INTS6: variants seen among roughly 807,000 people sequenced by gnomAD.
INTS6 encodes DEAD box protein.
A neutral mutation model predicts 104.9 loss-of-function variants in INTS6; 16 were observed. The ratio of observed to expected loss-of-function variants is 0.15; its 90% CI spans 0.10 to 0.23. INTS6 has a LOEUF of 0.23. Among genes scored for constraint, INTS6 ranks in the 10% least tolerant of loss-of-function variants. The pLI is 1.00. For synonymous variants in INTS6, 324 were observed against 358.7 expected, an observed-to-expected ratio of 0.90 and a Z score of 1.09; for missense variants, 584 against 1,062.8, an observed-to-expected ratio of 0.55 and a Z score of 6.26.
At chr13:51,356,088 C>G (rs531028707) in intron 3 of INTS6, among the ~76,000 whole-genome samples, 1 of 152,226 alleles carries the variant, frequency 6.6e-6, no homozygotes, top group South Asian at 2.1e-4. Flanking sequence ...ACCAGATTGA[C>G]AGTTACTTAT....
intron 6 of INTS6, among the ~76,000 whole-genome samples, chr13:51,388,630 T>C (rs1956187650): frequency 6.6e-6 from 1 of 152,164 alleles, no homozygotes; most frequent in African/African-American, 2.4e-5. Context: ...CAACCTCAGG[T>C]GATCCACCCA....
At chr13:51,411,055 T>TA (rs1214117283) in intron 4 of INTS6, among the ~76,000 whole-genome samples, 3 of 149,692 alleles carry the variant, frequency 2.0e-5, no homozygotes, top group Non-Finnish European at 3.0e-5. Context: ...CTACTAAAAA[T>TA]AAAAAAAATT....
intron 4 of INTS6, among the ~76,000 whole-genome samples, chr13:51,411,635 A>G (rs938986182): frequency 6.6e-6 from 1 of 152,192 alleles, no homozygotes; most frequent in Admixed American, 6.5e-5. Flanking sequence ...CTAAAACCAA[A>G]AAGAGATAAT....
At chr13:51,415,470 A>G (rs2138049095) in intron 4 of INTS6, among the ~76,000 whole-genome samples, 1 of 152,284 alleles carries the variant, frequency 6.6e-6, no homozygotes, top group South Asian at 2.1e-4. Context: ...GGTCTCTGCC[A>G]TGCTGTTCTC....
chr13:51,362,080 CTT>C lies in INTS6; in HGVS notation c.*3670_*3671del. 6.5e-7 allele frequency: 1 copy of C among 1,536,806 alleles called. No homozygotes were observed. The highest frequency in any genetic ancestry group is 2.4e-5 in the East Asian group (1 of 42,422). On this transcript the variant is annotated 3_prime_UTR_variant, in exon 18 of 18. Transcript: ENST00000311234. ...GACTATTTCGTAAGTACAAAGGAAA[CTT>C]ATCCTCCATGTTTTTTACCTTCTCA... is the stretch of plus-strand genomic sequence containing the variant.
intron 4 of INTS6, among the ~76,000 whole-genome samples, chr13:51,422,166 A>G (rs546460731): frequency 6.6e-6 from 1 of 152,288 alleles, no homozygotes; most frequent in African/African-American, 2.4e-5. Context: ...CACGAAAGGT[A>G]ATGATACTTT....
At chr13:51,357,882 T>C (rs530405260), downstream of INTS6, among the ~76,000 whole-genome samples, 12 of 152,222 alleles carry the variant, frequency 7.9e-5, no homozygotes, top group Admixed American at 7.2e-4. Context: ...TTCTTGGCTT[T>C]TATAAGTAGG....
At chr13:51,341,429 TCA>T in the INTS6 span, 5 of 1,273,570 alleles carry the variant, frequency 3.9e-6, no homozygotes, top group South Asian at 1.4e-5. Flanking sequence ...CTGCTCACAC[TCA>T]CACTCACTCT....
chr13:51,341,089 T>C, the INTS6 span: 2 of 1,613,416 alleles, frequency 1.2e-6, no homozygotes, highest in Admixed American at 1.7e-5. Context: ...CCTCCCAGCC[T>C]CCATGCCGCC....
chr13:51,353,109 T>C (rs1210227166), downstream of INTS6, among the ~76,000 whole-genome samples: 1 of 152,202 alleles, frequency 6.6e-6, no homozygotes, highest in Non-Finnish European at 1.5e-5. Context: ...TTTACTCAAG[T>C]TATTTTTGTA....
chr13:51,399,670 C>G (rs1484008131), intron 4 of INTS6, among the ~76,000 whole-genome samples: 11 of 151,904 alleles, frequency 7.2e-5, no homozygotes. Context: ...TTCATCAACA[C>G]TTAGTTTTGG....
At chr13:51,425,651 T>C (rs1363341061) in intron 4 of INTS6, among the ~76,000 whole-genome samples, 1 of 152,122 alleles carries the variant, frequency 6.6e-6, no homozygotes, top group Non-Finnish European at 1.5e-5. Flanking sequence ...CAATATTCAT[T>C]AGCCATGTGT....
intron 3 of INTS6, chr13:51,440,833 T>C (rs1269164541): frequency 1.3e-5 from 2 of 152,218 alleles, no homozygotes; most frequent in Non-Finnish European, 2.9e-5. Flanking sequence ...CCACAACAGA[T>C]CTGCCTAATG....
intron 4 of INTS6, among the ~76,000 whole-genome samples, chr13:51,417,720 G>A (rs757367253): frequency 9.9e-5 from 15 of 152,134 alleles, no homozygotes; most frequent in South Asian, 2.1e-4. Context: ...GCCTCCCAAA[G>A]TGCTAGGATT....
intron 4 of INTS6, among the ~76,000 whole-genome samples, chr13:51,405,248 G>A (rs1956540152): frequency 6.6e-6 from 1 of 152,116 alleles, no homozygotes; most frequent in African/African-American, 2.4e-5. Context: ...GTGCAAAGGA[G>A]GAGAGAAAGA....
chr13:51,442,682 A>G (rs1952820532), intron 3 of INTS6: 1 of 152,418 alleles, frequency 6.6e-6, no homozygotes, highest in Non-Finnish European at 1.5e-5. Context: ...TTAGATTCTC[A>G]TAGGAGCACA....
chr13:51,402,509 G>A (rs1956457244), intron 4 of INTS6: 1 of 152,114 alleles, frequency 6.6e-6, no homozygotes, highest in Admixed American at 6.5e-5. Context: ...TCAGTCTAAT[G>A]GACTAATAAG....
At chr13:51,408,978 TC>T in intron 4 of INTS6, among the ~76,000 whole-genome samples, 1 of 152,268 alleles carries the variant, frequency 6.6e-6, no homozygotes, top group African/African-American at 2.4e-5. Flanking sequence ...CAGCTGCATA[TC>T]CCTTTCTTCT....
At chr13:51,447,241 C>T (rs1391474283) in intron 3 of INTS6, 1 of 151,970 alleles carries the variant, frequency 6.6e-6, no homozygotes, top group Non-Finnish European at 1.5e-5. Flanking sequence ...AACCAAGCAC[C>T]CAAATGGAAA....
Sources: gnomAD v4.1 joint callset for allele counts (sites outside exome capture counted in the v4.1 genomes callset) on GRCh38, gnomAD v4.1.1 for gene constraint, MANE v1.5 for transcripts, NCBI Gene and HGNC (gene_info 2026-07-23, HGNC 2026-07-21) for gene names.